The following ZNF385D variants were observed in gnomAD, a reference collection of about 807,000 sequenced individuals.
ZNF385D encodes the protein zinc finger protein 385D, also known as zinc finger protein 659.
Under a neutral mutation model 35.8 loss-of-function variants are expected in ZNF385D, and 15 were observed. The ratio of observed to expected loss-of-function variants is 0.42; its 90% CI spans 0.28 to 0.64. ZNF385D has a LOEUF of 0.64. ZNF385D is among the 30% of genes least tolerant of loss of function. The pLI is 0.23. For missense variants in ZNF385D, 474 were observed against 494.6 expected, an observed-to-expected ratio of 0.96 and a Z score of 0.39; for synonymous variants, 212 against 186.8, an observed-to-expected ratio of 1.13 and a Z score of -1.10.
At chr3:21,879,239 C>T (rs1160178594) in intron 3 of ZNF385D, among the ~76,000 whole-genome samples, 1 of 151,816 alleles carries the variant, frequency 6.6e-6, no homozygotes, top group Non-Finnish European at 1.5e-5. Flanking sequence ...GAGTTTAGTC[C>T]TCTTGACTCC....
At chr3:21,950,341 C>G (rs1428315891) in intron 3 of ZNF385D, among the ~76,000 whole-genome samples, 2 of 151,816 alleles carry the variant, frequency 1.3e-5, no homozygotes, top group African/African-American at 4.9e-5. Flanking sequence ...TTGTTGGTCA[C>G]ATAAATGTCT....
rs187313110 is a variant in ZNF385D, at chr3:21,762,000, T to G, written c.326-96972A>C. 1.0e-4 allele frequency among the ~76,000 whole-genome samples: 15 copies of G among 144,264 alleles called. 1 individual carries two copies. The highest frequency in any genetic ancestry group is 8.6e-4 in the Admixed American group (12 of 13,894). 94.6% of individuals were successfully genotyped at this position (144,264 alleles called of 152,430 possible). On this transcript the variant is annotated intron_variant, in intron 3 of 5. Transcript: ENST00000494108. Reference sequence around the variant, plus strand: ...TTCAAGCAATTCTCCTGCCTCAGCCTCCCGAGTAGCCGAGATTACAAGCAT... The same window carrying G: ...TTCAAGCAATTCTCCTGCCTCAGCCGCCCGAGTAGCCGAGATTACAAGCAT...
chr3:22,333,359 CAT>C (rs1390930823), intron 2 of ZNF385D, among the ~76,000 whole-genome samples: 2 of 152,150 alleles, frequency 1.3e-5, no homozygotes, highest in Non-Finnish European at 1.5e-5. Flanking sequence ...TTTCTTCACA[CAT>C]ATATTTCACC....
intron 3 of ZNF385D, among the ~76,000 whole-genome samples, chr3:22,063,283 CTGAT>C (rs777311924): frequency 6.6e-6 from 1 of 152,060 alleles, no homozygotes; most frequent in Non-Finnish European, 1.5e-5. Context: ...AGAACATTGT[CTGAT>C]TAATTTTGGT....
chr3:22,181,202 A>T (rs1452006068), intron 2 of ZNF385D, among the ~76,000 whole-genome samples: 1 of 152,024 alleles, frequency 6.6e-6, no homozygotes, highest in Non-Finnish European at 1.5e-5. Flanking sequence ...AGAAGAGCAG[A>T]TACTAACGAT....
chr3:21,714,997 T>G lies in ZNF385D; in HGVS notation c.22+35898A>C, dbSNP rs186862825. Among the ~76,000 whole-genome samples the G allele has an allele frequency of 2.8e-4, 43 of 152,332 alleles. 1 individual carries two copies. The East Asian group carries it at 8.3e-3, about 29-fold the overall frequency. On this transcript the variant is annotated intron_variant, in intron 1 of 7. Coordinates refer to ENST00000281523, the MANE Select transcript of ZNF385D (RefSeq NM_024697.3). ...TAATCTACTCATTTAGCAAAATTCC[T>G]GAATATAATACAGGATTATTAATTA...
intron 3 of ZNF385D, among the ~76,000 whole-genome samples, chr3:21,904,493 T>C (rs769927278): frequency 6.6e-6 from 1 of 152,144 alleles, no homozygotes; most frequent in Non-Finnish European, 1.5e-5. Flanking sequence ...TCATACATAC[T>C]GAGATACAAA....
chr3:21,930,574 T>C (rs1700957286), intron 3 of ZNF385D, among the ~76,000 whole-genome samples: 1 of 152,120 alleles, frequency 6.6e-6, no homozygotes, highest in South Asian at 2.1e-4. Context: ...ATTTATCAAT[T>C]GTCAAAATTT....
At chr3:22,211,173 G>C (rs933485290) in intron 2 of ZNF385D, among the ~76,000 whole-genome samples, 19 of 151,900 alleles carry the variant, frequency 1.3e-4, no homozygotes, top group African/African-American at 4.3e-4. Context: ...TTTCTCAAAA[G>C]TGGGAACATA....
At chr3:22,071,033 A>C (rs774788228) in intron 3 of ZNF385D, among the ~76,000 whole-genome samples, 1 of 152,168 alleles carries the variant, frequency 6.6e-6, no homozygotes, top group African/African-American at 2.4e-5. Context: ...CTATGAAAAG[A>C]ATAAAAATAT....
intron 3 of ZNF385D, among the ~76,000 whole-genome samples, chr3:21,907,189 T>G (rs1699725215): frequency 6.6e-6 from 1 of 152,170 alleles, no homozygotes; most frequent in South Asian, 2.1e-4. Context: ...CATTCCTTAA[T>G]AGATGTATAA....
chr3:21,874,829 A>G (rs1460990729), intron 3 of ZNF385D, among the ~76,000 whole-genome samples: 1 of 152,092 alleles, frequency 6.6e-6, no homozygotes. Flanking sequence ...AAGTGTGGAC[A>G]TTTTAACAAT....
At chr3:21,726,454 T>C (rs2068769823) in intron 1 of ZNF385D, among the ~76,000 whole-genome samples, 1 of 152,176 alleles carries the variant, frequency 6.6e-6, no homozygotes, top group Non-Finnish European at 1.5e-5. Flanking sequence ...AAAATCTCCT[T>C]AAGCAGATAA....
At chr3:21,547,167 C>T (rs2062402989) in intron 3 of ZNF385D, among the ~76,000 whole-genome samples, 1 of 152,108 alleles carries the variant, frequency 6.6e-6, no homozygotes, top group South Asian at 2.1e-4. Context: ...GGGAGACTCC[C>T]CTCAGATGAA....
In ZNF385D at chr3:21,539,284, A is replaced by G. The variant is rs1412404254; in HGVS notation, c.276+25290T>C. 3.3e-5 allele frequency among the ~76,000 whole-genome samples: 5 copies of G among 152,052 alleles called. No individual in the cohort carries two copies. The highest frequency in any genetic ancestry group is 9.7e-5 in the African/African-American group (4 of 41,404). ...GTGTGGCTTCTACATTTCTACATAG[A>G]TCACTTTCTCATTAATTGATGCCAT... On this transcript the variant is annotated intron_variant, in intron 3 of 7. Coordinates refer to ENST00000281523, the MANE Select transcript of ZNF385D (RefSeq NM_024697.3). This position sits in a 1 kb window ranked among gnomAD's most constrained non-coding sequence, Gnocchi z 4.0.
At chr3:22,253,916 G>GA (rs1415380457) in intron 2 of ZNF385D, among the ~76,000 whole-genome samples, 2 of 151,826 alleles carry the variant, frequency 1.3e-5, no homozygotes, top group East Asian at 1.9e-4. Context: ...TTGAACACTA[G>GA]AAAAAAATAA....
chr3:22,249,260 CACAACCAGA>C (rs1559478368), intron 2 of ZNF385D, among the ~76,000 whole-genome samples: 1 of 152,122 alleles, frequency 6.6e-6, no homozygotes, highest in East Asian at 1.9e-4. Context: ...CATTGCAATA[CACAACCAGA>C]ATCCCCCCAC....
chr3:22,135,463 G>C (rs1239673780), intron 3 of ZNF385D, among the ~76,000 whole-genome samples: 1 of 152,102 alleles, frequency 6.6e-6, no homozygotes, highest in Non-Finnish European at 1.5e-5. Flanking sequence ...TCCAGGCACT[G>C]TATGTTACAT....
At chr3:21,653,959 C>T (rs2065997158) in intron 2 of ZNF385D, among the ~76,000 whole-genome samples, 1 of 151,888 alleles carries the variant, frequency 6.6e-6, no homozygotes, top group Admixed American at 6.6e-5. Context: ...TAACATGGTA[C>T]ATATGTACAG....
Sources: allele counts gnomAD v4.1 joint callset (sites outside exome capture counted in the v4.1 genomes callset), GRCh38; gene constraint gnomAD v4.1.1; non-coding constraint Gnocchi (gnomAD v3.1); transcripts MANE v1.5; gene names NCBI Gene and HGNC (gene_info 2026-07-23, HGNC 2026-07-21).